The following CCSER1 variants were observed in gnomAD, a reference collection of about 807,000 sequenced individuals.
CCSER1 encodes the protein coiled-coil serine rich protein 1, also known as serine-rich coiled-coil domain-containing protein 1.
In CCSER1, 41 loss-of-function variants were observed where a neutral mutation model predicts 82.0. The observed-to-expected ratio is 0.50, with a 90% CI of 0.39 to 0.65. The LOEUF (loss-of-function observed/expected upper bound fraction) is 0.65. CCSER1 is among the 30% of genes least tolerant of loss of function. The pLI is 0.00. For synonymous variants in CCSER1, 414 were observed against 383.9 expected (o/e 1.08, Z -0.92); for missense variants, 1,119 against 1,064.2 (o/e 1.05, Z -0.72).
intron 10 of CCSER1, among the ~76,000 whole-genome samples, chr4:91,137,516 G>A (rs1728599289): frequency 1.0e-5 from 1 of 97,252 alleles, no homozygotes; most frequent in African/African-American, 3.9e-5. Context: ...TAGTCATTTG[G>A]GTATATACCC....
chr4:90,407,503 T>G (rs1369706182), intron 4 of CCSER1, among the ~76,000 whole-genome samples: 1 of 152,188 alleles, frequency 6.6e-6, no homozygotes, highest in East Asian at 1.9e-4. Context: ...AATCATTCTA[T>G]GAAGCCAGTA....
chr4:91,160,564 C>T lies in CCSER1; in HGVS notation c.2217+74570C>T, dbSNP rs547210006. On this transcript the variant is annotated intron_variant, in intron 10 of 10. Transcript: ENST00000509176. ...ACATCCTCTCCAGCACCTGTTGTGT[C>T]CTGACTTTTTAATGATCTCCATTCT... Among the ~76,000 whole-genome samples the T allele has an allele frequency of 2.6e-5, 4 of 152,264 alleles. No homozygotes were observed. In the South Asian group the frequency reaches 8.3e-4, roughly 32 times the overall value.
chr4:91,012,897 G>A (rs1400191987), intron 9 of CCSER1, among the ~76,000 whole-genome samples: 1 of 133,568 alleles, frequency 7.5e-6, no homozygotes, highest in African/African-American at 2.5e-5. Context: ...GGCTGATGGT[G>A]TCCTCTTGCT....
chr4:90,644,738 A>G (rs1010469764), intron 6 of CCSER1, among the ~76,000 whole-genome samples: 5 of 151,874 alleles, frequency 3.3e-5, no homozygotes, highest in Admixed American at 6.6e-5. Flanking sequence ...CTGTGCCTGC[A>G]TAAGTTTGCT....
At chr4:90,306,778 A>G (rs111288276) in intron 1 of CCSER1, among the ~76,000 whole-genome samples, 262 of 152,354 alleles carry the variant, frequency 1.7e-3, no homozygotes, top group African/African-American at 6.0e-3. Context: ...GAAATGAAAC[A>G]GAGTCTGATT....
chr4:90,470,917 C>T (rs540398644), intron 5 of CCSER1, among the ~76,000 whole-genome samples: 22 of 152,052 alleles, frequency 1.4e-4, no homozygotes, highest in Non-Finnish European at 2.9e-4. Context: ...TGTTGCATGA[C>T]AAGCCCTGGA....
chr4:90,669,274 A>C (rs1732362588), intron 6 of CCSER1, among the ~76,000 whole-genome samples: 1 of 152,060 alleles, frequency 6.6e-6, no homozygotes, highest in Admixed American at 6.5e-5. Context: ...TTTCTCTTAA[A>C]ATAAAAACTT....
intron 3 of CCSER1, among the ~76,000 whole-genome samples, chr4:90,329,670 T>G (rs1253716060): frequency 6.6e-6 from 1 of 152,126 alleles, no homozygotes; most frequent in East Asian, 1.9e-4. Context: ...CAAAATCGAT[T>G]TATAATCACT....
intron 7 of CCSER1, among the ~76,000 whole-genome samples, chr4:90,753,939 C>G (rs915852325): frequency 6.6e-6 from 1 of 152,172 alleles, no homozygotes; most frequent in Non-Finnish European, 1.5e-5. Context: ...TTTCTTCCGT[C>G]TGTATCATCC....
At chr4:90,128,420 G>A (rs1197351458) in intron 1 of CCSER1, among the ~76,000 whole-genome samples, 3 of 152,224 alleles carry the variant, frequency 2.0e-5, no homozygotes, top group Admixed American at 6.5e-5. Context: ...CCTGCCCAGA[G>A]GCAGCAGTAA....
intron 7 of CCSER1, among the ~76,000 whole-genome samples, chr4:90,790,594 C>A (rs1298649726): frequency 6.6e-6 from 1 of 152,160 alleles, no homozygotes; most frequent in East Asian, 1.9e-4. Context: ...CTACCTTGGT[C>A]TATGTGTTTG....
At chr4:91,083,615 A>T (rs1410514982) in intron 9 of CCSER1, among the ~76,000 whole-genome samples, 4 of 152,270 alleles carry the variant, frequency 2.6e-5, no homozygotes, top group Admixed American at 2.0e-4. Flanking sequence ...AATGTCAAGG[A>T]TTTAATGAGA....
chr4:91,307,662 A>G (rs1745166320), intron 10 of CCSER1, among the ~76,000 whole-genome samples: 1 of 152,016 alleles, frequency 6.6e-6, no homozygotes, highest in Non-Finnish European at 1.5e-5. Context: ...AACCTGAAAG[A>G]CCTTTTCCTT....
chr4:91,176,685 GC>G (rs1395720473), intron 10 of CCSER1, among the ~76,000 whole-genome samples: 4 of 152,178 alleles, frequency 2.6e-5, no homozygotes, highest in African/African-American at 9.7e-5. Flanking sequence ...CTGAGACTTT[GC>G]TGAAGTTGCT....
chr4:91,381,269 G>A (rs1381782522), intron 10 of CCSER1, among the ~76,000 whole-genome samples: 6 of 152,098 alleles, frequency 3.9e-5, no homozygotes, highest in Admixed American at 2.0e-4. Context: ...CATTCTCTGG[G>A]TTTCCTGAAT....
intron 4 of CCSER1, among the ~76,000 whole-genome samples, chr4:90,446,456 A>G (rs10002613): frequency 0.21 from 31,477 of 152,040 alleles, 4,350 homozygotes; most frequent in East Asian, 0.38. Flanking sequence ...GATATAGCTA[A>G]CATTGTTTTT....
chr4:90,766,218 G>T lies in CCSER1; in HGVS notation c.2010+42227G>T, dbSNP rs1265137414. 2.0e-5 allele frequency among the ~76,000 whole-genome samples: 3 copies of T among 152,210 alleles called. No homozygotes were observed. In the East Asian group the frequency reaches 5.8e-4, roughly 29 times the overall value. On this transcript the variant is annotated intron_variant, in intron 7 of 10. Coordinates refer to ENST00000509176, the MANE Select transcript of CCSER1 (RefSeq NM_001145065.2). ...CTACTTATATTTGAACATAGCAGATGAGTCTTCCTAGTGCAGATGAAAATA... is the reference window on the plus strand; with the variant it reads ...CTACTTATATTTGAACATAGCAGATTAGTCTTCCTAGTGCAGATGAAAATA...
At chr4:91,073,323 A>G (rs62311030) in intron 9 of CCSER1, among the ~76,000 whole-genome samples, 2,953 of 152,206 alleles carry the variant, frequency 0.019, 54 homozygotes, top group Non-Finnish European at 0.031. Context: ...TTTTCAATAA[A>G]TGGCTAAAAA....
intron 1 of CCSER1, among the ~76,000 whole-genome samples, chr4:90,264,269 A>G (rs1724854762): frequency 6.6e-6 from 1 of 152,114 alleles, no homozygotes; most frequent in Non-Finnish European, 1.5e-5. Flanking sequence ...CACTTTCATA[A>G]ATTGAGTGGA....
Sources: allele counts gnomAD v4.1 joint callset (sites outside exome capture counted in the v4.1 genomes callset), GRCh38; gene constraint gnomAD v4.1.1; transcripts MANE v1.5; gene names NCBI Gene and HGNC (gene_info 2026-07-23, HGNC 2026-07-21).